Variants in ADGRF5 observed in about 807,000 individuals in gnomAD.
ADGRF5 encodes adhesion G protein-coupled receptor F5.
ADGRF5 carries 75 observed loss-of-function variants against 132.3 expected under a neutral mutation model. The observed-to-expected ratio is 0.57, with a 90% CI of 0.47 to 0.69. The LOEUF (loss-of-function observed/expected upper bound fraction) is 0.69. Ranked by LOEUF, ADGRF5 falls within the 30% of genes least tolerant of loss-of-function variation. ADGRF5 has a pLI of 0.00. For synonymous variants in ADGRF5, 629 were observed against 597.6 expected, an observed-to-expected ratio of 1.05 and a Z score of -0.77; for missense variants, 1,516 against 1,630.6, an observed-to-expected ratio of 0.93 and a Z score of 1.21.
At chr6:46,889,799 T>C (rs58538037) in intron 3 of ADGRF5, among the ~76,000 whole-genome samples, 1,659 of 141,882 alleles carry the variant, frequency 0.012, 25 homozygotes, top group African/African-American at 0.034. Flanking sequence ...TATATATATA[T>C]ACATAGTTTT....
chr6:46,913,223 C>T (rs220712), intron 1 of ADGRF5, among the ~76,000 whole-genome samples: 54,690 of 151,894 alleles, frequency 0.36, 12,068 homozygotes, highest in East Asian at 0.49. Context: ...GGGGGCTGGG[C>T]CAGGTGTCTC....
At chr6:46,880,714 G>T (rs976929861) in intron 8 of ADGRF5, among the ~76,000 whole-genome samples, 2 of 152,082 alleles carry the variant, frequency 1.3e-5, no homozygotes, top group Non-Finnish European at 2.9e-5. Context: ...TACATTGGGA[G>T]GTGACTTGGA....
upstream of ADGRF5, among the ~76,000 whole-genome samples, chr6:46,922,316 G>A (rs1479617817): frequency 1.3e-5 from 2 of 152,174 alleles, no homozygotes; most frequent in Admixed American, 1.3e-4. Context: ...GAGAAAAAAA[G>A]AATCCGCAGA....
chr6:46,917,901 T>C (rs182086013), intron 1 of ADGRF5, among the ~76,000 whole-genome samples: 124 of 152,348 alleles, frequency 8.1e-4, no homozygotes, highest in Non-Finnish European at 1.4e-3. Context: ...GTATAATAAT[T>C]AAAACAAATT....
intron 3 of ADGRF5, among the ~76,000 whole-genome samples, chr6:46,890,661 G>A (rs1452022551): frequency 2.0e-5 from 3 of 151,942 alleles, no homozygotes; most frequent in Non-Finnish European, 4.4e-5. Context: ...AGGTTGCAGT[G>A]AGCTGATATC....
At position 46,888,728 on chromosome 6, in the gene ADGRF5, G is replaced by A. The variant is rs140504502; in HGVS notation, c.158-223C>T. 3.4e-3 allele frequency among the ~76,000 whole-genome samples: 521 copies of A among 152,306 alleles called. 4 individuals are homozygous for A. The highest frequency in any genetic ancestry group is 0.012 in the African/African-American group (488 of 41,574). On this transcript the variant is annotated intron_variant, in intron 3 of 20. Transcript: ENST00000283296. Reference sequence around the variant, plus strand: ...TGCTGTGTGAAGTATGGAATGTAACGAGGCAAGAGCGGAAGCAGAGAGAAT... The same window carrying A: ...TGCTGTGTGAAGTATGGAATGTAACAAGGCAAGAGCGGAAGCAGAGAGAAT...
rs758428374 is a variant in ADGRF5, at chr6:46,858,947, T to C, written c.2956A>G (p.Ile986Val). 1.2e-6 allele frequency: 2 copies of C among 1,613,398 alleles called. No individual in the cohort carries two copies. Among genetic ancestry groups the C allele is most frequent in the Admixed American group, 1.7e-5 (1 of 60,012 alleles). ...GAGAATGATGTTAGGTGGTCACAGA[T>C]ACAGGTGACATTGTCCCCATCACCT... ...EEGDGDNVTC[I>V]CDHLTSFSIL... The change falls in exon 17 of 21, where the codon ATC becomes GTC. Residue 986 changes from isoleucine to valine, a missense_variant. Transcript: ENST00000283296.
intron 8 of ADGRF5, 115 bp downstream of exon 8, chr6:46,881,340 C>T (rs764967832): frequency 1.2e-6 from 1 of 839,814 alleles, no homozygotes; most frequent in Non-Finnish European, 2.0e-6. Context: ...TACAGAACCC[C>T]CTGTGCCAGG....
intron 8 of ADGRF5, among the ~76,000 whole-genome samples, chr6:46,881,043 A>G (rs1772408003): frequency 6.6e-6 from 1 of 152,170 alleles, no homozygotes; most frequent in Admixed American, 6.5e-5. Context: ...GAGGCTGTAG[A>G]GAGCCATGAT....
Position 46,879,906 on chromosome 6 carries a change from G to A in ADGRF5, c.948C>T (p.Ser316=), listed in dbSNP as rs1772261327. 6.2e-7 allele frequency: 1 copy of A among 1,613,998 alleles called. No homozygotes were observed. The highest frequency in any genetic ancestry group is 1.3e-5 in the African/African-American group (1 of 75,044). The part of the protein sequence containing the change: ...YEEQQLEIQN[S]SRFSIYTALF... ...GTGCGGTGTAAATCGAGAATCTGCTGCTGTTCTGGATTTCCAACTGCTGTT... is the reference window on the plus strand; with the variant it reads ...GTGCGGTGTAAATCGAGAATCTGCTACTGTTCTGGATTTCCAACTGCTGTT... Residue 316 remains serine, a synonymous_variant, in exon 9 of 21, where the codon AGC becomes AGT. Transcript: ENST00000283296.
At chr6:46,920,834 A>T (rs1582021138) in intron 1 of ADGRF5, among the ~76,000 whole-genome samples, 1 of 152,064 alleles carries the variant, frequency 6.6e-6, no homozygotes, top group Admixed American at 6.6e-5. Context: ...CTGCACTCCA[A>T]CCTGGGCGAC....
At chr6:46,912,574 G>A (rs112805015) in intron 1 of ADGRF5, among the ~76,000 whole-genome samples, 63 of 152,198 alleles carry the variant, frequency 4.1e-4, no homozygotes, top group Middle Eastern at 3.4e-3. Flanking sequence ...ATTGATTAGG[G>A]AGGCAATAGA....
At position 46,947,855 on chromosome 6, in the gene ADGRF5, G is replaced by C. The variant is rs115357309; in HGVS notation, c.-25+6879C>G. Among the ~76,000 whole-genome samples, 1,035 of 152,304 alleles carry C rather than the reference G, an allele frequency of 6.8e-3. 14 individuals carry two copies. Among genetic ancestry groups the C allele is most frequent in the African/African-American group, 0.024 (983 of 41,552 alleles). On this transcript the variant is annotated intron_variant, in intron 1 of 20. Coordinates refer to the ADGRF5 transcript ENST00000265417. ...GGGGGACCTGGACATCCACCTGCCA[G>C]CAGAGGCCAACAACCCAGTCCCTGC... is the stretch of plus-strand genomic sequence containing the variant.
In ADGRF5 at chr6:46,858,426, C is replaced by T; in HGVS notation, c.3477G>A (p.Lys1159=). The T allele has an allele frequency of 6.2e-7, 1 of 1,613,956 alleles. No individual in the cohort carries two copies. The change falls in exon 17 of 21, where the codon AAG becomes AAA. Residue 1159 remains lysine, a synonymous_variant. Transcript: ENST00000283296. Reference sequence around the variant, plus strand: ...CCTCCCAGTTGAGCCAACAGACATTCTTCCTCGTATAGACTTCCCGGGGCT... The same window carrying T: ...CCTCCCAGTTGAGCCAACAGACATTTTTCCTCGTATAGACTTCCCGGGGCT... The part of the protein sequence containing the change: ...ATQPREVYTR[K]NVCWLNWEDT...
rs368208545 is a variant in ADGRF5 at position 46,895,116 on chromosome 6, G to A, written c.157+4913C>T. The stretch of plus-strand genomic sequence containing the variant: ...TGCTTGAACCTGGGAGGCGGAGGTT[G>A]CAGTGAGCCGAGATCGCACCACTGC... On this transcript the variant is annotated intron_variant, in intron 3 of 20. Transcript: ENST00000283296. 8.5e-5 allele frequency among the ~76,000 whole-genome samples: 13 copies of A among 152,252 alleles called. No homozygotes were observed. In the East Asian group the frequency reaches 1.4e-3, roughly 16 times the overall value.
upstream of ADGRF5, among the ~76,000 whole-genome samples, chr6:46,926,692 C>T (rs1454242907): frequency 1.3e-5 from 2 of 152,140 alleles, no homozygotes; most frequent in Admixed American, 6.5e-5. Flanking sequence ...TGAAATACGT[C>T]ACCCACATGC....
chr6:46,953,823 A>G (rs1778620405), intron 1 of ADGRF5, among the ~76,000 whole-genome samples: 1 of 151,732 alleles, frequency 6.6e-6, no homozygotes, highest in Admixed American at 6.6e-5. Flanking sequence ...TCGGAACTAA[A>G]TAAGCTAGAA....
intron 10 of ADGRF5, among the ~76,000 whole-genome samples, chr6:46,873,718 A>T (rs1324320447): frequency 6.6e-6 from 1 of 152,204 alleles, no homozygotes; most frequent in East Asian, 1.9e-4. Context: ...CTTTAGAAGC[A>T]AATTCCCAAG....
At chr6:46,880,198 G>A (rs139590010) in intron 8 of ADGRF5, among the ~76,000 whole-genome samples, 159 bp from the exon 9 acceptor site, 1 of 152,330 alleles carries the variant, frequency 6.6e-6, no homozygotes, top group African/African-American at 2.4e-5. Context: ...TTCCCATGCA[G>A]CTGGTGTCTG....
Sources: gnomAD v4.1 joint callset for allele counts (sites outside exome capture counted in the v4.1 genomes callset) on GRCh38, gnomAD v4.1.1 for gene constraint, MANE v1.5 for transcripts, NCBI Gene and HGNC (gene_info 2026-07-23, HGNC 2026-07-21) for gene names.